Variants in ZNF385D observed in about 807,000 individuals in gnomAD.
ZNF385D encodes the protein zinc finger protein 385D.
In ZNF385D, 15 loss-of-function variants were observed where a neutral mutation model predicts 35.8. That is an observed-to-expected ratio of 0.42 (90% CI 0.28 to 0.64). The LOEUF (loss-of-function observed/expected upper bound fraction) is 0.64. Ranked by LOEUF, ZNF385D falls within the 30% of genes least tolerant of loss-of-function variation. The pLI is 0.23. For synonymous variants in ZNF385D, 212 were observed against 186.8 expected (o/e 1.13, Z -1.10); for missense variants, 474 against 494.6 (o/e 0.96, Z 0.39).
chr3:21,623,057 G>C (rs2065048644), intron 2 of ZNF385D, among the ~76,000 whole-genome samples: 1 of 152,030 alleles, frequency 6.6e-6, no homozygotes, highest in Non-Finnish European at 1.5e-5. Context: ...TCGAGCACAG[G>C]GGTTCAGATT....
intron 4 of ZNF385D, among the ~76,000 whole-genome samples, chr3:21,482,290 CT>C (rs1046272743): frequency 4.7e-5 from 5 of 106,174 alleles, no homozygotes; most frequent in Admixed American, 2.1e-4. Context: ...ATCTAATACA[CT>C]GTCTGTTTTT....
intron 2 of ZNF385D, among the ~76,000 whole-genome samples, chr3:22,307,183 C>T (rs2125421337): frequency 6.6e-6 from 1 of 152,170 alleles, no homozygotes; most frequent in Admixed American, 6.6e-5. Flanking sequence ...ATGAAATTGA[C>T]TCAGAAAAGC....
chr3:22,084,445 A>G (rs1700922744), intron 3 of ZNF385D, among the ~76,000 whole-genome samples: 1 of 152,206 alleles, frequency 6.6e-6, no homozygotes, highest in African/African-American at 2.4e-5. Flanking sequence ...CTGATTAAAC[A>G]GACTTTAAAC....
At chr3:21,762,602 G>A (rs779923075) in intron 3 of ZNF385D, among the ~76,000 whole-genome samples, 3 of 151,936 alleles carry the variant, frequency 2.0e-5, no homozygotes, top group Non-Finnish European at 2.9e-5. Flanking sequence ...CTATTTTATT[G>A]CCACTTATCA....
intron 2 of ZNF385D, among the ~76,000 whole-genome samples, chr3:22,315,145 G>GA (rs1264899500): frequency 1.3e-5 from 2 of 152,060 alleles, no homozygotes; most frequent in Non-Finnish European, 1.5e-5. Flanking sequence ...AAGGAAAGGA[G>GA]AAAAAATGAA....
At chr3:21,598,186 A>G (rs866965140) in intron 2 of ZNF385D, among the ~76,000 whole-genome samples, 28 of 152,198 alleles carry the variant, frequency 1.8e-4, no homozygotes, top group African/African-American at 6.8e-4. Flanking sequence ...ATCATTTTCA[A>G]AGACGGTATC....
intron 1 of ZNF385D, among the ~76,000 whole-genome samples, chr3:21,708,227 C>A (rs1484374928): frequency 6.6e-6 from 1 of 152,184 alleles, no homozygotes; most frequent in Non-Finnish European, 1.5e-5. Context: ...TACTGTTACT[C>A]AAATGGGCAG....
intron 5 of ZNF385D, among the ~76,000 whole-genome samples, chr3:21,429,227 T>C (rs1701179051): frequency 6.6e-6 from 1 of 151,954 alleles, no homozygotes; most frequent in Admixed American, 6.6e-5. Flanking sequence ...AAAAACCCCC[T>C]AATTTCACCA....
In ZNF385D at chr3:22,309,318, C is replaced by G. The variant is rs144117833; in HGVS notation, c.106+63132G>C. ...TTATCTCTGCCCTGTACAGTTAAAA[C>G]TTTAATTATTCATGTGGAAATCCGT... On this transcript the variant is annotated intron_variant, in intron 2 of 5. Transcript: ENST00000494108. Among the ~76,000 whole-genome samples, 1,008 of 152,062 alleles carry G rather than the reference C, an allele frequency of 6.6e-3. 10 individuals carry two copies. The highest frequency in any genetic ancestry group is 0.05 in the South Asian group (243 of 4,826).
intron 2 of ZNF385D, among the ~76,000 whole-genome samples, chr3:22,363,665 T>C (rs557497135): frequency 1.6e-4 from 25 of 152,256 alleles, no homozygotes; most frequent in Middle Eastern, 3.4e-3. Flanking sequence ...GTTTAAAAAC[T>C]TATGGTTAAA....
chr3:21,715,738 A>G (rs961049171), intron 1 of ZNF385D, among the ~76,000 whole-genome samples: 4 of 152,116 alleles, frequency 2.6e-5, no homozygotes, highest in African/African-American at 9.7e-5. Flanking sequence ...TGTTATCTGT[A>G]CTAATTTCTT....
intron 2 of ZNF385D, among the ~76,000 whole-genome samples, chr3:22,247,160 TA>T (rs1485274716): frequency 2.0e-5 from 3 of 152,148 alleles, no homozygotes; most frequent in Non-Finnish European, 4.4e-5. Flanking sequence ...TCTTGGGCCA[TA>T]AAAATCCAGC....
intron 2 of ZNF385D, among the ~76,000 whole-genome samples, chr3:21,630,345 A>G (rs1402292239): frequency 1.3e-5 from 2 of 151,886 alleles, no homozygotes; most frequent in East Asian, 3.9e-4. Context: ...AGCTGGGATT[A>G]CAGGCATGTG....
In ZNF385D at chr3:22,228,377, C is replaced by T. The variant is rs555352280; in HGVS notation, c.107-59342G>A. On this transcript the variant is annotated intron_variant, in intron 2 of 5. Transcript: ENST00000494108. ...GTCACTGGTCCCCCTACCAACCCCC[C>T]ATGCAGCAGCCAAGCCCACCCAAAC... Among the ~76,000 whole-genome samples, 13 of 152,228 alleles carry T rather than the reference C, an allele frequency of 8.5e-5. No homozygotes were observed. The South Asian group carries it at 2.5e-3, about 29-fold the overall frequency.
Position 21,963,857 on chromosome 3 carries a change from T to C in ZNF385D, c.325+204960A>G, listed in dbSNP as rs545529783. ...ATAATGGCCCTGGTGATGACACTGA[T>C]CAAAATAAAAAGAAAAATTCAGAGC... is the stretch of plus-strand genomic sequence containing the variant. On this transcript the variant is annotated intron_variant, in intron 3 of 5. Transcript: ENST00000494108. 1.8e-3 allele frequency among the ~76,000 whole-genome samples: 281 copies of C among 152,086 alleles called. 8 individuals carry two copies. In the South Asian group the frequency reaches 0.057, roughly 31 times the overall value.
At position 21,734,159 on chromosome 3, in the gene ZNF385D, A is replaced by G. The variant is rs549143908; in HGVS notation, c.22+16736T>C. On this transcript the variant is annotated intron_variant, in intron 1 of 7. Transcript: ENST00000281523. The stretch of plus-strand genomic sequence containing the variant: ...TTGCATTATGCTTATACATTAACTT[A>G]TAGAGAGCCAACAATCTTGTGATAT... Among the ~76,000 whole-genome samples the G allele has an allele frequency of 1.1e-4, 17 of 152,238 alleles. No homozygotes were observed. The South Asian group carries it at 1.9e-3, about 17-fold the overall frequency.
At chr3:22,030,302 T>TATATATATA (rs3047003) in intron 3 of ZNF385D, among the ~76,000 whole-genome samples, 1 of 95,922 alleles carries the variant, frequency 1.0e-5, no homozygotes, top group Non-Finnish European at 2.2e-5. Flanking sequence ...TATATATATA[T>TATATATATA]CCTATTTGGT....
In ZNF385D at chr3:22,205,407, T is replaced by A. The variant is rs574330220; in HGVS notation, c.107-36372A>T. ...TCTTAAAGAAAAAAAAAAGAAAACA[T>A]TTATGAGCAACAATAAATCATCTGA... On this transcript the variant is annotated intron_variant, in intron 2 of 5. Transcript: ENST00000494108. Among the ~76,000 whole-genome samples the A allele has an allele frequency of 7.2e-5, 11 of 151,778 alleles. No individual in the cohort carries two copies. In the South Asian group the frequency reaches 1.9e-3, roughly 26 times the overall value.
At position 22,099,736 on chromosome 3, in the gene ZNF385D, G is replaced by C. The variant is rs144254478; in HGVS notation, c.325+69081C>G. Among the ~76,000 whole-genome samples the C allele has an allele frequency of 4.0e-3, 606 of 152,106 alleles. 5 individuals are homozygous for C. Among genetic ancestry groups the C allele is most frequent in the Admixed American group, 0.014 (213 of 15,244 alleles). On this transcript the variant is annotated intron_variant, in intron 3 of 5. Transcript: ENST00000494108. Reference sequence around the variant, plus strand: ...CCAATAGAAGGATGGAGCGTAAGGAGAGCTGAAGCCAGCAAGGGTGGGTAC... The same window carrying C: ...CCAATAGAAGGATGGAGCGTAAGGACAGCTGAAGCCAGCAAGGGTGGGTAC...
Sources: allele counts gnomAD v4.1 joint callset (sites outside exome capture counted in the v4.1 genomes callset), GRCh38; gene constraint gnomAD v4.1.1; transcripts MANE v1.5; gene names NCBI Gene and HGNC (gene_info 2026-07-23, HGNC 2026-07-21).